Variants in TRPM5 observed in about 807,000 individuals in gnomAD.
The protein encoded by TRPM5 is MLSN1 and TRP-related.
In TRPM5, 121 loss-of-function variants were observed where a neutral mutation model predicts 124.9. The observed-to-expected ratio is 0.97, with a 90% CI of 0.84 to 1.13. The LOEUF (loss-of-function observed/expected upper bound fraction) is 1.13, where lower values mean the gene tolerates loss of function less well. Among genes scored for constraint, TRPM5 ranks in the 50% most tolerant of loss-of-function variants. The pLI, the probability that TRPM5 is intolerant of heterozygous loss-of-function variation, is 0.00. For missense variants in TRPM5, 1,643 were observed against 1,589.1 expected (o/e 1.03, Z -0.58); for synonymous variants, 781 against 700.5 (o/e 1.11, Z -1.81).
At chr11:2,412,222 A>G (rs754309337) in exon 16 of TRPM5, 2 of 1,613,472 alleles carry the variant, frequency 1.2e-6, no homozygotes, top group East Asian at 2.2e-5. Flanking sequence ...GAACTTCTTC[A>G]CCAGGTGTGT....
intron 8 of TRPM5, among the ~76,000 whole-genome samples, 196 bp downstream of exon 13, chr11:2,415,710 G>C (rs1277868177): frequency 1.3e-5 from 2 of 152,186 alleles, no homozygotes; most frequent in South Asian, 4.1e-4. Context: ...GGGACAGCCG[G>C]CACCCAGCCA....
chr11:2,416,306 T>A (rs1845676332), intron 7 of TRPM5, among the ~76,000 whole-genome samples: 1 of 152,136 alleles, frequency 6.6e-6, no homozygotes, highest in African/African-American at 2.4e-5. Flanking sequence ...AGCTAACACC[T>A]GGGCCTCGAG....
chr11:2,412,903 G>T, exon 15 of TRPM5: 1 of 1,598,262 alleles, frequency 6.3e-7, no homozygotes, highest in East Asian at 2.2e-5. Flanking sequence ...ACGTTCCCCA[G>T]GAACACAGTC....
intron 7 of TRPM5, among the ~76,000 whole-genome samples, chr11:2,417,431 G>A (rs1845702271): frequency 6.6e-6 from 1 of 152,206 alleles, no homozygotes; most frequent in Admixed American, 6.5e-5. Flanking sequence ...CTCCAGCCTG[G>A]GCGACAGTGC....
At chr11:2,410,249 G>A (rs1401237885) in intron 18 of TRPM5, among the ~76,000 whole-genome samples, 2 of 152,118 alleles carry the variant, frequency 1.3e-5, no homozygotes, top group East Asian at 3.9e-4. Flanking sequence ...TTCCATCACG[G>A]CGTCGCCCCC....
intron 6 of TRPM5, 126 bp downstream of exon 11, chr11:2,418,037 AGTGG>A (rs1414024824): frequency 7.0e-6 from 7 of 1,003,288 alleles, no homozygotes; most frequent in Non-Finnish European, 1.0e-5. Context: ...CTGAAGCGAG[AGTGG>A]GTGGGGGGCC....
At chr11:2,433,314 C>T in the TRPM5 span, among the ~76,000 whole-genome samples, 4 of 152,266 alleles carry the variant, frequency 2.6e-5, no homozygotes, top group Non-Finnish European at 4.4e-5. Context: ...CCCTGCTCCC[C>T]GCAGAGGGTG....
chr11:2,418,045 G>T (rs1845710989), intron 6 of TRPM5, 122 bp downstream of exon 11: 2 of 1,042,564 alleles, frequency 1.9e-6, no homozygotes, highest in Non-Finnish European at 2.8e-6. Context: ...AGAGTGGGTG[G>T]GGGGCCCAGC....
At chr11:2,406,086 T>C in exon 22 of TRPM5, 1 of 1,611,744 alleles carries the variant, frequency 6.2e-7, no homozygotes, top group East Asian at 2.2e-5. Context: ...GGCAATGAAG[T>C]CCACTCTGCG....
intron 22 of TRPM5, 50 bp from the exon 28 acceptor site, chr11:2,405,643 C>G (rs1850303012): frequency 1.9e-6 from 3 of 1,539,358 alleles, no homozygotes; most frequent in Non-Finnish European, 2.6e-6. Flanking sequence ...CTCAGGACAG[C>G]AGGGGACAGG....
intron 17 of TRPM5, 29 bp from the exon 23 acceptor site, chr11:2,411,555 C>A: frequency 5.0e-6 from 8 of 1,607,272 alleles, no homozygotes; most frequent in Non-Finnish European, 6.8e-6. Context: ...GAGAGAGGGA[C>A]GTCAGCGGCC....
upstream of TRPM5, among the ~76,000 whole-genome samples, chr11:2,423,253 C>T (rs1845797680): frequency 6.6e-6 from 1 of 152,192 alleles, no homozygotes; most frequent in Admixed American, 6.5e-5. Context: ...AGCTCCGACA[C>T]TCGCTGTAGC....
In TRPM5 at chr11:2,420,191, G is replaced by GGCAGTTGCCCACCAACA. The variant is rs368282127; in HGVS notation, c.649+30_649+31insTGTTGGTGGGCAACTGC. 4,699 of 1,567,198 alleles carry GGCAGTTGCCCACCAACA rather than the reference G, an allele frequency of 3.0e-3. 113 individuals carry two copies. The South Asian group carries it at 0.038, about 13-fold the overall frequency. ...TCCCTGGATCCCCACTGGGTCCCAA[G>GGCAGTTGCCCACCAACA]GCTTCCCTGGGTGGCTGGGGCGGGT... On this transcript the variant is annotated intron_variant, in intron 4 of 23. Coordinates refer to ENST00000155858, the Ensembl canonical transcript of TRPM5.
At position 2,422,382 on chromosome 11, in the gene TRPM5, T is replaced by C. The variant is rs527967345; in HGVS notation, c.118-61A>G. ...CACGGGGCATGGGAGCTGCTGGGCA[T>C]TGGGGGGGGCTGGACACAAGGGGGC... On this transcript the variant is annotated intron_variant, in intron 1 of 23. Coordinates refer to ENST00000155858, the Ensembl canonical transcript of TRPM5. 2.8e-4 allele frequency: 313 copies of C among 1,126,502 alleles called. 3 individuals are homozygous for C. In the East Asian group the frequency reaches 0.012, roughly 42 times the overall value. 69.8% of individuals were successfully genotyped at this position (1,126,502 alleles called of 1,614,324 possible). A position where few individuals can be genotyped will look rare whatever the true frequency, so the allele number is the denominator to read the frequency against.
At chr11:2,414,014 C>CCCCCCCCCCCCCCCCCCCCCCCCA in intron 12 of TRPM5, 47 bp downstream of exon 17, 1 of 533,206 alleles carries the variant, frequency 1.9e-6, no homozygotes, top group Non-Finnish European at 3.5e-6. Flanking sequence ...AGCTCGCCCG[C>CCCCCCCCCCCCCCCCCCCCCCCCA]CCACCCCACC....
At chr11:2,425,822 C>A (rs950234976), upstream of TRPM5, among the ~76,000 whole-genome samples, 1 of 152,156 alleles carries the variant, frequency 6.6e-6, no homozygotes, top group Non-Finnish European at 1.5e-5. Flanking sequence ...GCCTGGGGGA[C>A]GGGACTGGGC....
upstream of TRPM5, among the ~76,000 whole-genome samples, chr11:2,425,145 A>G (rs1460724653): frequency 6.6e-6 from 1 of 151,940 alleles, no homozygotes; most frequent in Non-Finnish European, 1.5e-5. Context: ...GGAGGCTGGG[A>G]CAAGGCTTGG....
intron 7 of TRPM5, among the ~76,000 whole-genome samples, chr11:2,416,488 G>T (rs1003491963): frequency 6.6e-6 from 1 of 152,198 alleles, no homozygotes; most frequent in African/African-American, 2.4e-5. Context: ...GCTGGAAACC[G>T]CTGTCCTCAC....
chr11:2,406,898 G>A, intron 20 of TRPM5, 105 bp from the exon 26 acceptor site: 2 of 1,486,346 alleles, frequency 1.3e-6, no homozygotes, highest in Non-Finnish European at 1.8e-6. Flanking sequence ...AGGAGTGAGT[G>A]GGGCCCAGCC....
Sources: gnomAD v4.1 joint callset for allele counts (sites outside exome capture counted in the v4.1 genomes callset) on GRCh38, gnomAD v4.1.1 for gene constraint, MANE v1.5 for transcripts, NCBI Gene and HGNC (gene_info 2026-07-23, HGNC 2026-07-21) for gene names.